The following PCSK2 variants were observed in gnomAD, a reference collection of about 807,000 sequenced individuals.
PCSK2 encodes the protein proprotein convertase subtilisin/kexin type 2, also known as neuroendocrine convertase 2.
A neutral mutation model predicts 69.7 loss-of-function variants in PCSK2; 14 were observed. That is an observed-to-expected ratio of 0.20 (90% confidence interval 0.13 to 0.31). The LOEUF is 0.31. PCSK2 is among the 10% of genes least tolerant of loss of function. The probability of loss-of-function intolerance (pLI) is 1.00; values close to 1 mark genes in which losing one functional copy is unlikely to be tolerated. For missense variants in PCSK2, 544 were observed against 842.5 expected (o/e 0.65, Z 4.39); for synonymous variants, 307 against 320.7 (o/e 0.96, Z 0.46).
intron 2 of PCSK2, among the ~76,000 whole-genome samples, chr20:17,297,908 A>T (rs1306836624): frequency 6.6e-6 from 1 of 152,232 alleles, no homozygotes; most frequent in Non-Finnish European, 1.5e-5. Context: ...TTAAGCTAAA[A>T]GTATTTTTAT....
chr20:17,431,140 G>C (rs1441807209), intron 7 of PCSK2, among the ~76,000 whole-genome samples: 2 of 152,120 alleles, frequency 1.3e-5, no homozygotes, highest in African/African-American at 4.8e-5. Flanking sequence ...GAGGGAGTTG[G>C]GGAAGAAGAC....
intron 2 of PCSK2, among the ~76,000 whole-genome samples, chr20:17,302,731 C>T (rs533976091): frequency 6.6e-6 from 1 of 152,214 alleles, no homozygotes; most frequent in African/African-American, 2.4e-5. Context: ...ATTTGTTTGA[C>T]CCCAGTCATC....
chr20:17,284,226 A>C (rs1224281788), intron 2 of PCSK2, among the ~76,000 whole-genome samples: 4 of 152,202 alleles, frequency 2.6e-5, no homozygotes, highest in Non-Finnish European at 4.4e-5. Context: ...TATGGAGCTA[A>C]CAGTCAAAGA....
At chr20:17,448,141 T>C (rs1410047107) in intron 8 of PCSK2, among the ~76,000 whole-genome samples, 2 of 152,336 alleles carry the variant, frequency 1.3e-5, no homozygotes, top group East Asian at 3.9e-4. Flanking sequence ...AAAATAAAAA[T>C]TACTATAATT....
At chr20:17,311,675 A>G (rs1372896122) in intron 2 of PCSK2, among the ~76,000 whole-genome samples, 3 of 152,190 alleles carry the variant, frequency 2.0e-5, no homozygotes, top group African/African-American at 7.2e-5. Context: ...ACAAGAACCT[A>G]CATCTTGTGA....
chr20:17,354,280 G>A (rs182842658), intron 2 of PCSK2, among the ~76,000 whole-genome samples: 10 of 152,224 alleles, frequency 6.6e-5, no homozygotes, highest in South Asian at 2.1e-4. Flanking sequence ...TTGAGGAAGC[G>A]TTCTAAAACT....
chr20:17,227,347 G>A lies in PCSK2; in HGVS notation c.42G>A (p.Gly14=), dbSNP rs1252949655. Reference sequence around the variant, plus strand: ...TCTCCCAGTGGAAGGCGGCCGCCGGGTTCCTCTTCTGTGTCATGGTTTTTG... The same window carrying A: ...TCTCCCAGTGGAAGGCGGCCGCCGGATTCCTCTTCTGTGTCATGGTTTTTG... ...GCVSQWKAAA[G]FLFCVMVFAS... The change falls in exon 1 of 12, where the codon GGG becomes GGA. Residue 14 remains glycine (G), a synonymous_variant. Transcript: ENST00000262545. The A allele has an allele frequency of 2.5e-6, 4 of 1,614,064 alleles. No homozygotes were observed. The highest frequency in any genetic ancestry group is 1.1e-5 in the South Asian group (1 of 91,080).
At position 17,304,323 on chromosome 20, in the gene PCSK2, TG is replaced by T. The variant is rs141575272; in HGVS notation, c.282+43980del. Reference sequence around the variant, plus strand: ...ATAATAGCCATTCAATAAATACTTATGAAGGAATTAATAGCAGTAACAGCTC... The same window carrying T: ...ATAATAGCCATTCAATAAATACTTATAAGGAATTAATAGCAGTAACAGCTC... On this transcript the variant is annotated intron_variant, in intron 2 of 11. Transcript: ENST00000262545. Among the ~76,000 whole-genome samples, 770 of 152,248 alleles carry T rather than the reference TG, an allele frequency of 5.1e-3. 6 individuals carry two copies. Among genetic ancestry groups the T allele is most frequent in the East Asian group, 0.023 (118 of 5,186 alleles).
At chr20:17,361,581 GC>G (rs1459351591) in intron 4 of PCSK2, among the ~76,000 whole-genome samples, 1 of 152,222 alleles carries the variant, frequency 6.6e-6, no homozygotes, top group African/African-American at 2.4e-5. Flanking sequence ...AAACAGTTGA[GC>G]CTTTCCCATC....
chr20:17,409,134 G>A, intron 5 of PCSK2, 129 bp from the exon 6 acceptor site: 2 of 694,674 alleles, frequency 2.9e-6, no homozygotes, highest in Non-Finnish European at 5.2e-6. Context: ...AATTTTGTGA[G>A]GTTTGGTCCA....
intron 1 of PCSK2, among the ~76,000 whole-genome samples, chr20:17,241,351 A>G (rs1425900771): frequency 6.6e-6 from 1 of 152,204 alleles, no homozygotes; most frequent in Non-Finnish European, 1.5e-5. Flanking sequence ...ACCTGGGGTC[A>G]GTTCATGACC....
At position 17,465,521 on chromosome 20, in the gene PCSK2, C is replaced by T. The variant is rs1219446532; in HGVS notation, c.1398C>T (p.Phe466=). 1 of 1,609,084 alleles carries T rather than the reference C, an allele frequency of 6.2e-7. No individual in the cohort carries two copies. The part of the protein sequence containing the change: ...AKDWKTVPER[F]HCVGGSVQDP... ...ACTGGAAAACCGTGCCTGAGAGATT[C>T]CACTGTGTGGGAGGCTCCGTGCAGG... Residue 466 remains phenylalanine (F), a synonymous_variant, in exon 11 of 12, where the codon TTC becomes TTT. Coordinates refer to ENST00000262545, the MANE Select transcript of PCSK2 (RefSeq NM_002594.5).
intron 2 of PCSK2, among the ~76,000 whole-genome samples, chr20:17,341,803 C>T (rs1387571180): frequency 6.6e-6 from 1 of 152,158 alleles, no homozygotes; most frequent in African/African-American, 2.4e-5. Flanking sequence ...ACCACATGTG[C>T]TCTCAAAAGT....
intron 1 of PCSK2, among the ~76,000 whole-genome samples, chr20:17,239,476 C>G (rs1986472682): frequency 6.6e-6 from 1 of 152,046 alleles, no homozygotes; most frequent in Non-Finnish European, 1.5e-5. Context: ...GACAGGGATC[C>G]TTGGAGAGTT....
chr20:17,427,472 T>A (rs1335223386), intron 6 of PCSK2, among the ~76,000 whole-genome samples: 2 of 152,120 alleles, frequency 1.3e-5, no homozygotes, highest in African/African-American at 2.4e-5. Flanking sequence ...AAAGCCCCAA[T>A]ACAGTCACCC....
chr20:17,418,773 C>T (rs1343640881), intron 6 of PCSK2, among the ~76,000 whole-genome samples: 15 of 152,116 alleles, frequency 9.9e-5, no homozygotes, highest in Admixed American at 9.2e-4. Flanking sequence ...GGCATAGGCA[C>T]CAAATCCGAT....
chr20:17,329,919 T>C (rs2123149258), intron 2 of PCSK2, among the ~76,000 whole-genome samples: 1 of 152,364 alleles, frequency 6.6e-6, no homozygotes, highest in South Asian at 2.1e-4. Flanking sequence ...GTTTGGTATC[T>C]ATCTTTTTAT....
chr20:17,434,101 A>C (rs1425552803), intron 7 of PCSK2, among the ~76,000 whole-genome samples: 154 of 78,388 alleles, frequency 2.0e-3, no homozygotes, highest in Admixed American at 2.7e-3. Context: ...TCTCTCTCCC[A>C]CTCTCTCCTT....
At chr20:17,307,508 G>C (rs572818579) in intron 2 of PCSK2, among the ~76,000 whole-genome samples, 1 of 152,300 alleles carries the variant, frequency 6.6e-6, no homozygotes, top group African/African-American at 2.4e-5. Flanking sequence ...GATGGCTAGG[G>C]CCAGAACAAG....
Sources: gnomAD v4.1 joint callset for allele counts (sites outside exome capture counted in the v4.1 genomes callset) on GRCh38, gnomAD v4.1.1 for gene constraint, MANE v1.5 for transcripts, NCBI Gene and HGNC (gene_info 2026-07-23, HGNC 2026-07-21) for gene names.